Variants in PHF24 observed in about 807,000 individuals in gnomAD.
The protein encoded by PHF24 is Galpha inhibitory interacting protein.
In PHF24, 25 loss-of-function variants were observed where a neutral mutation model predicts 42.6. The observed-to-expected ratio is 0.59, with a 90% CI of 0.43 to 0.82. PHF24 has a LOEUF of 0.82. Among genes scored for constraint, PHF24 ranks in the 40% least tolerant of loss-of-function variants. The pLI is 0.00. For missense variants in PHF24, 470 were observed against 538.1 expected, an observed-to-expected ratio of 0.87 and a Z score of 1.25; for synonymous variants, 185 against 204.8, an observed-to-expected ratio of 0.90 and a Z score of 0.83.
At chr9:34,830,643 G>A in the PHF24 span, among the ~76,000 whole-genome samples, 1 of 152,146 alleles carries the variant, frequency 6.6e-6, no homozygotes, top group South Asian at 2.1e-4. Flanking sequence ...ACCCAGTGAT[G>A]GTGCTGGGAT....
the PHF24 span, among the ~76,000 whole-genome samples, chr9:34,873,219 T>A: frequency 6.6e-6 from 1 of 152,024 alleles, no homozygotes; most frequent in South Asian, 2.1e-4. Flanking sequence ...TTAGATCCCA[T>A]TTGTCAATTT....
At chr9:34,827,642 T>C in the PHF24 span, among the ~76,000 whole-genome samples, 3 of 152,124 alleles carry the variant, frequency 2.0e-5, no homozygotes, top group Non-Finnish European at 4.4e-5. Flanking sequence ...CATAAAGAAG[T>C]CACAGTACTT....
chr9:34,783,748 C>T, the PHF24 span, among the ~76,000 whole-genome samples: 1 of 152,174 alleles, frequency 6.6e-6, no homozygotes, highest in Non-Finnish European at 1.5e-5. Context: ...AAATGTAATA[C>T]TGCATTGGGA....
chr9:34,968,097 GATC>G (rs910615027), intron 1 of PHF24, among the ~76,000 whole-genome samples: 66 of 152,242 alleles, frequency 4.3e-4, no homozygotes, highest in African/African-American at 1.2e-3. Flanking sequence ...ACAAAAATTA[GATC>G]ATAACATGAG....
chr9:34,898,769 C>G, the PHF24 span, among the ~76,000 whole-genome samples: 1 of 151,926 alleles, frequency 6.6e-6, no homozygotes, highest in Non-Finnish European at 1.5e-5. Context: ...ATTAGCCTGA[C>G]GTCTTGCACC....
At chr9:34,806,167 AT>A in the PHF24 span, among the ~76,000 whole-genome samples, 2 of 147,108 alleles carry the variant, frequency 1.4e-5, no homozygotes, top group South Asian at 2.2e-4. Flanking sequence ...CTCTTACTTT[AT>A]TTTTTTTTTC....
At chr9:34,859,170 C>CTA in the PHF24 span, among the ~76,000 whole-genome samples, 5 of 152,162 alleles carry the variant, frequency 3.3e-5, no homozygotes, top group Non-Finnish European at 7.4e-5. Context: ...TTACAGTTTA[C>CTA]TATATATATT....
At chr9:34,981,310 C>T (rs1827383242) in exon 8 of PHF24, 1 of 152,254 alleles carries the variant, frequency 6.6e-6, no homozygotes. Context: ...TTATTCCTGT[C>T]ACCATTATGA....
chr9:34,875,940 ACACACACACACTCT>A, the PHF24 span, among the ~76,000 whole-genome samples: 5 of 89,218 alleles, frequency 5.6e-5, no homozygotes, highest in African/African-American at 1.8e-4. Flanking sequence ...ACACACACAC[ACACACACACACTCT>A]CTCTCTCTCT....
the PHF24 span, among the ~76,000 whole-genome samples, chr9:34,858,396 G>A: frequency 1.3e-5 from 2 of 152,136 alleles, no homozygotes; most frequent in Non-Finnish European, 2.9e-5. Flanking sequence ...CTGGCACCTG[G>A]GTCCATAGGG....
the PHF24 span, among the ~76,000 whole-genome samples, chr9:34,927,053 T>G: frequency 6.6e-6 from 1 of 152,280 alleles, no homozygotes; most frequent in African/African-American, 2.4e-5. Context: ...GCATAGCCAC[T>G]CCACTGGCCT....
chr9:34,769,202 G>A, the PHF24 span, among the ~76,000 whole-genome samples: 1 of 152,034 alleles, frequency 6.6e-6, no homozygotes, highest in African/African-American at 2.4e-5. Context: ...CTGCAACTTC[G>A]CCTCCCAGGT....
chr9:34,978,332 C>T, exon 8 of PHF24: 1 of 569,380 alleles, frequency 1.8e-6, no homozygotes, highest in Non-Finnish European at 3.2e-6. Flanking sequence ...GTGGCAGCAT[C>T]CTCTCCTGGA....
chr9:34,940,660 G>A, the PHF24 span, among the ~76,000 whole-genome samples: 1 of 152,202 alleles, frequency 6.6e-6, no homozygotes, highest in Non-Finnish European at 1.5e-5. Flanking sequence ...CTGCCACCAA[G>A]GTGTGACCCA....
intron 1 of PHF24, among the ~76,000 whole-genome samples, chr9:34,969,620 G>T (rs558178423): frequency 1.4e-5 from 2 of 145,610 alleles, no homozygotes; most frequent in Non-Finnish European, 3.0e-5. Flanking sequence ...CAGCCTGGGC[G>T]ACAGAGCGAG....
chr9:34,689,825 G>T, the PHF24 span: 1 of 1,614,168 alleles, frequency 6.2e-7, no homozygotes, highest in Non-Finnish European at 8.5e-7. The surrounding 1 kb of genome is among the most constrained non-coding windows in gnomAD (Gnocchi z 4.1). Flanking sequence ...TAGGTTAACT[G>T]CTGCGGCGCT....
chr9:34,745,662 T>C, the PHF24 span, among the ~76,000 whole-genome samples: 1 of 149,536 alleles, frequency 6.7e-6, no homozygotes, highest in African/African-American at 2.5e-5. Flanking sequence ...GGTATATTTT[T>C]CCATTTCCCA....
the PHF24 span, chr9:34,836,017 C>T: frequency 4.0e-5 from 26 of 653,362 alleles, no homozygotes; most frequent in African/African-American, 3.2e-4. Context: ...ACATAGGATT[C>T]GCCGCACACT....
chr9:34,696,300 C>T, the PHF24 span, among the ~76,000 whole-genome samples: 3 of 151,858 alleles, frequency 2.0e-5, no homozygotes, highest in Non-Finnish European at 2.9e-5. Context: ...CCAGCTTGAC[C>T]AACATGGCGA....
Sources: gnomAD v4.1 joint callset for allele counts (sites outside exome capture counted in the v4.1 genomes callset) on GRCh38, gnomAD v4.1.1 for gene constraint, Gnocchi (gnomAD v3.1) non-coding constraint, MANE v1.5 for transcripts, NCBI Gene and HGNC (gene_info 2026-07-23, HGNC 2026-07-21) for gene names.